The following KHDRBS2 variants were observed in gnomAD, a reference collection of about 807,000 sequenced individuals.
KHDRBS2 encodes KH RNA binding domain containing, signal transduction associated 2, also known as KH domain-containing, RNA-binding, signal transduction-associated protein 2.
KHDRBS2 carries 26 observed loss-of-function variants against 44.3 expected under a neutral mutation model. That is an observed-to-expected ratio of 0.59 (90% CI 0.43 to 0.81). The LOEUF is 0.81. Ranked by LOEUF, KHDRBS2 falls within the 40% of genes least tolerant of loss-of-function variation. The pLI is 0.00. For synonymous variants in KHDRBS2, 194 were observed against 151.1 expected, an observed-to-expected ratio of 1.28 and a Z score of -2.08; for missense variants, 476 against 433.1, an observed-to-expected ratio of 1.10 and a Z score of -0.88.
intron 1 of KHDRBS2, among the ~76,000 whole-genome samples, chr6:62,236,156 C>T (rs1199412021): frequency 6.6e-6 from 1 of 152,008 alleles, no homozygotes; most frequent in Non-Finnish European, 1.5e-5. Flanking sequence ...TATTAGAGTT[C>T]TTTATAAACT....
At chr6:62,138,039 A>T (rs1584911532) in intron 2 of KHDRBS2, among the ~76,000 whole-genome samples, 2 of 152,190 alleles carry the variant, frequency 1.3e-5, no homozygotes, top group East Asian at 1.9e-4. Flanking sequence ...ATTGCCTAGG[A>T]CCCCAGCTGA....
chr6:62,209,465 A>G (rs754046419), intron 1 of KHDRBS2, among the ~76,000 whole-genome samples: 5 of 152,236 alleles, frequency 3.3e-5, no homozygotes, highest in African/African-American at 7.2e-5. Flanking sequence ...GTTTGCGTGT[A>G]TACACACATC....
chr6:61,892,738 T>C (rs1314787415), intron 6 of KHDRBS2, among the ~76,000 whole-genome samples: 1 of 152,156 alleles, frequency 6.6e-6, no homozygotes, highest in Non-Finnish European at 1.5e-5. Flanking sequence ...TTACACCTTA[T>C]ACAAAAATTA....
intron 7 of KHDRBS2, among the ~76,000 whole-genome samples, chr6:61,720,062 AATG>A (rs1266870731): frequency 2.6e-5 from 4 of 152,166 alleles, no homozygotes; most frequent in Non-Finnish European, 4.4e-5. Flanking sequence ...GTTTACTGAG[AATG>A]ATGATTTCCA....
chr6:62,169,415 CAA>C (rs890883249), intron 2 of KHDRBS2, among the ~76,000 whole-genome samples: 6 of 151,746 alleles, frequency 4.0e-5, no homozygotes, highest in Non-Finnish European at 8.8e-5. Context: ...GAAATTGGGT[CAA>C]ACTGATGTAC....
chr6:61,776,407 A>T (rs1298677899), intron 6 of KHDRBS2, among the ~76,000 whole-genome samples: 1 of 152,220 alleles, frequency 6.6e-6, no homozygotes, highest in East Asian at 1.9e-4. Context: ...CAAAGGGCTA[A>T]TATCCAGAAT....
At chr6:61,643,018 G>T in the KHDRBS2 span, among the ~76,000 whole-genome samples, 1 of 152,102 alleles carries the variant, frequency 6.6e-6, no homozygotes, top group African/African-American at 2.4e-5. Context: ...GCTCACAAAG[G>T]TGGCCACTTA....
chr6:61,820,168 A>T (rs1789667337), intron 6 of KHDRBS2, among the ~76,000 whole-genome samples: 1 of 152,046 alleles, frequency 6.6e-6, no homozygotes, highest in Non-Finnish European at 1.5e-5. Flanking sequence ...GTCAGTTGTG[A>T]AAAGAGTTGT....
At chr6:61,575,224 G>T in the KHDRBS2 span, among the ~76,000 whole-genome samples, 3 of 152,114 alleles carry the variant, frequency 2.0e-5, no homozygotes, top group African/African-American at 7.2e-5. Flanking sequence ...TCTGATAAAA[G>T]ACTAATGTCC....
chr6:61,977,758 A>G (rs1772983905), intron 4 of KHDRBS2, among the ~76,000 whole-genome samples: 1 of 152,298 alleles, frequency 6.6e-6, no homozygotes, highest in South Asian at 2.1e-4. Context: ...ATGCAATAAA[A>G]AAGTATACAA....
At chr6:62,034,199 A>C (rs1784842340) in intron 3 of KHDRBS2, among the ~76,000 whole-genome samples, 1 of 151,852 alleles carries the variant, frequency 6.6e-6, no homozygotes, top group East Asian at 1.9e-4. Flanking sequence ...AAATTAAATA[A>C]ATAAAAAAGA....
chr6:61,874,140 T>C (rs1409137711), intron 6 of KHDRBS2, among the ~76,000 whole-genome samples: 1 of 152,140 alleles, frequency 6.6e-6, no homozygotes, highest in Non-Finnish European at 1.5e-5. Flanking sequence ...TAATTTTTTA[T>C]ATGAAATGCT....
chr6:62,003,485 CT>C (rs1778648007), intron 3 of KHDRBS2, among the ~76,000 whole-genome samples: 1 of 151,976 alleles, frequency 6.6e-6, no homozygotes, highest in Admixed American at 6.6e-5. Flanking sequence ...AATATGTATG[CT>C]CCCAATATAG....
rs531862147 is a variant in KHDRBS2, at chr6:62,092,156, C to T, written c.220-44162G>A. Among the ~76,000 whole-genome samples the T allele has an allele frequency of 5.3e-5, 8 of 151,852 alleles. No homozygotes were observed. The South Asian group carries it at 1.7e-3, about 32-fold the overall frequency. On this transcript the variant is annotated intron_variant, in intron 2 of 8. Transcript: ENST00000281156. Reference sequence around the variant, plus strand: ...ATCTTCTGCTCAGCTTCCACCAGCTCTCTACCATTTCCAGCAACCTGAGAC... The same window carrying T: ...ATCTTCTGCTCAGCTTCCACCAGCTTTCTACCATTTCCAGCAACCTGAGAC...
At chr6:62,225,848 C>T (rs548531) in intron 1 of KHDRBS2, among the ~76,000 whole-genome samples, 25,746 of 152,102 alleles carry the variant, frequency 0.17, 2,404 homozygotes, top group African/African-American at 0.25. Context: ...TCATACATGT[C>T]CCTACAAAAA....
intron 4 of KHDRBS2, among the ~76,000 whole-genome samples, chr6:61,922,780 A>G (rs778142473): frequency 1.3e-5 from 2 of 152,158 alleles, no homozygotes; most frequent in Non-Finnish European, 2.9e-5. Context: ...AGCAAGACCT[A>G]ATAGAGTCCA....
intron 6 of KHDRBS2, among the ~76,000 whole-genome samples, chr6:61,758,271 T>A (rs1778801559): frequency 6.6e-6 from 1 of 152,124 alleles, no homozygotes; most frequent in Non-Finnish European, 1.5e-5. Context: ...AACACTTGTT[T>A]CATATATTTT....
intron 7 of KHDRBS2, among the ~76,000 whole-genome samples, chr6:61,718,225 T>G (rs2127553979): frequency 6.6e-6 from 1 of 152,216 alleles, no homozygotes; most frequent in Admixed American, 6.6e-5. Context: ...CTATAGGCTC[T>G]GACCCTTGAG....
the KHDRBS2 span, among the ~76,000 whole-genome samples, chr6:61,582,154 G>A: frequency 6.6e-6 from 1 of 151,684 alleles, no homozygotes; most frequent in Admixed American, 6.6e-5. Context: ...AAATAGGGTG[G>A]TAATATGTGA....
Sources: allele counts gnomAD v4.1 joint callset (sites outside exome capture counted in the v4.1 genomes callset), GRCh38; gene constraint gnomAD v4.1.1; transcripts MANE v1.5; gene names NCBI Gene and HGNC (gene_info 2026-07-23, HGNC 2026-07-21).